Variants in ZFR2 observed in about 807,000 individuals in gnomAD.
ZFR2 encodes the protein zinc finger RNA-binding protein 2.
ZFR2 carries 104 observed loss-of-function variants against 105.7 expected under a neutral mutation model. The ratio of observed to expected loss-of-function variants is 0.98; its 90% CI spans 0.84 to 1.16. The LOEUF (loss-of-function observed/expected upper bound fraction) is 1.16, where lower values mean the gene tolerates loss of function less well. Among genes scored for constraint, ZFR2 ranks in the 50% most tolerant of loss-of-function variants. The pLI, the probability that ZFR2 is intolerant of heterozygous loss-of-function variation, is 0.00. For missense variants in ZFR2, 1,425 were observed against 1,355.5 expected, an observed-to-expected ratio of 1.05 and a Z score of -0.80; for synonymous variants, 634 against 597.7, an observed-to-expected ratio of 1.06 and a Z score of -0.89.
intron 1 of ZFR2, among the ~76,000 whole-genome samples, chr19:3,859,034 G>T (rs1341167152): frequency 1.3e-5 from 2 of 152,132 alleles, no homozygotes; most frequent in African/African-American, 4.8e-5. Flanking sequence ...GTCTGTGAGG[G>T]TGTTGCCAAA....
intron 6 of ZFR2, among the ~76,000 whole-genome samples, chr19:3,826,056 C>T (rs2145152727): frequency 6.6e-6 from 1 of 152,158 alleles, no homozygotes; most frequent in African/African-American, 2.4e-5. Flanking sequence ...GCAGGGCCTG[C>T]CTGACCCCCA....
intron 18 of ZFR2, 68 bp from the exon 19 acceptor site, chr19:3,806,193 G>A (rs1045521014): frequency 6.1e-5 from 85 of 1,383,514 alleles, no homozygotes; most frequent in Non-Finnish European, 7.7e-5. Flanking sequence ...GGACACAGAG[G>A]GGCTGGTGTC....
Position 3,823,269 on chromosome 19 carries a change from C to T in ZFR2, c.1348G>A (p.Val450Met). 1 of 1,614,020 alleles carries T rather than the reference C, an allele frequency of 6.2e-7. No individual in the cohort carries two copies. The highest frequency in any genetic ancestry group is 8.5e-7 in the Non-Finnish European group (1 of 1,179,888). ...APAGCSDAQP[V>M]GPEYVEEVFS... ...ACCTCCTCCACATATTCCGGGCCCA[C>T]CGGCTGCGCATCAGAGCAGCCCGCG... is the stretch of plus-strand genomic sequence containing the variant. The change falls in exon 8 of 19, where the codon GTG becomes ATG. Residue 450 changes from valine (V) to methionine (M), a missense_variant. Coordinates refer to ENST00000262961, the MANE Select transcript of ZFR2 (RefSeq NM_015174.2). This position sits in a 1 kb window ranked among gnomAD's most constrained non-coding sequence, Gnocchi z 5.4.
chr19:3,833,384 G>T (rs536180271), intron 3 of ZFR2, among the ~76,000 whole-genome samples: 1 of 152,056 alleles, frequency 6.6e-6, no homozygotes, highest in Non-Finnish European at 1.5e-5. Context: ...AGACCATCCT[G>T]GCTAATACTG....
At chr19:3,853,818 C>T (rs1300021229) in intron 1 of ZFR2, among the ~76,000 whole-genome samples, 1 of 152,048 alleles carries the variant, frequency 6.6e-6, no homozygotes, top group African/African-American at 2.4e-5. Flanking sequence ...CTGTTAATCC[C>T]AGCACTTTGG....
rs200875785 is a variant in ZFR2 at position 3,832,633 on chromosome 19, T to TG, written c.380-756_380-755insC. Reference sequence around the variant, plus strand: ...CTGCACCCGGCCTTTATTTTGTTTTTTTTTTTTATTTTTTATTTTTTAGAG... The same window carrying TG: ...CTGCACCCGGCCTTTATTTTGTTTTTGTTTTTTTATTTTTTATTTTTTAGAG... On this transcript the variant is annotated intron_variant, in intron 3 of 18. Transcript: ENST00000262961. 3.7e-3 allele frequency among the ~76,000 whole-genome samples: 544 copies of TG among 148,164 alleles called. 4 individuals carry two copies. The highest frequency in any genetic ancestry group is 0.01 in the African/African-American group (408 of 40,130).
chr19:3,819,000 G>A (rs1376827521), intron 12 of ZFR2, 45 bp downstream of exon 12: 7 of 1,590,636 alleles, frequency 4.4e-6, no homozygotes, highest in Non-Finnish European at 6.0e-6. Context: ...GCTGACCTCT[G>A]TCCTGGCTGA....
At chr19:3,826,146 T>C (rs1247568861) in intron 6 of ZFR2, among the ~76,000 whole-genome samples, 1 of 151,904 alleles carries the variant, frequency 6.6e-6, no homozygotes, top group Non-Finnish European at 1.5e-5. Context: ...AGGCCAAGTC[T>C]CCTTCCCCCG....
At chr19:3,832,764 T>C (rs760121930) in intron 3 of ZFR2, among the ~76,000 whole-genome samples, 7 of 151,848 alleles carry the variant, frequency 4.6e-5, no homozygotes, top group Admixed American at 4.6e-4. Flanking sequence ...GCCTCCTGGG[T>C]AGCTGGGACT....
rs1568421448 is a variant in ZFR2 at position 3,822,063 on chromosome 19, T to G, written c.1491+18A>C. On this transcript the variant is annotated intron_variant, in intron 9 of 18. Transcript: ENST00000262961. ...GCACAGCCCGGACGGGTGTCGGAGC[T>G]CCCCCTGCTGGACGCACCCGGTACT... 6.3e-7 allele frequency: 1 copy of G among 1,582,318 alleles called. No individual in the cohort carries two copies. The highest frequency in any genetic ancestry group is 1.8e-5 in the Admixed American group (1 of 55,524).
At chr19:3,829,328 T>C (rs1009231631) in intron 5 of ZFR2, among the ~76,000 whole-genome samples, 3 of 151,862 alleles carry the variant, frequency 2.0e-5, no homozygotes, top group Non-Finnish European at 4.4e-5. Flanking sequence ...CGCATCCCTG[T>C]GCACACATAC....
intron 10 of ZFR2, 52 bp downstream of exon 10, chr19:3,821,288 T>C: frequency 6.7e-7 from 1 of 1,502,186 alleles, no homozygotes. Context: ...GGTTCCACGC[T>C]GGACCTGCCC....
intron 14 of ZFR2, among the ~76,000 whole-genome samples, chr19:3,811,571 C>T (rs572657671): frequency 6.6e-6 from 1 of 151,922 alleles, no homozygotes; most frequent in African/African-American, 2.4e-5. Context: ...TCTCCTGCCT[C>T]AGCCTTCCAA....
intron 1 of ZFR2, among the ~76,000 whole-genome samples, chr19:3,845,352 T>C (rs2038175840): frequency 6.6e-6 from 1 of 151,996 alleles, no homozygotes; most frequent in Non-Finnish European, 1.5e-5. Context: ...CCAGTCATGG[T>C]GCCTCACACC....
chr19:3,819,151 C>G lies in ZFR2; in HGVS notation c.1825G>C (p.Ala609Pro), dbSNP rs1272451205. 6.2e-7 allele frequency: 1 copy of G among 1,606,702 alleles called. No individual in the cohort carries two copies. The highest frequency in any genetic ancestry group is 2.2e-5 in the East Asian group (1 of 44,852). The change falls in exon 12 of 19, where the codon GCC becomes CCC. Residue 609 changes from alanine (A) to proline (P), a missense_variant. Coordinates refer to ENST00000262961, the MANE Select transcript of ZFR2 (RefSeq NM_015174.2). ...TIYPTEQELL[A>P]VQRAVSHAER... ...GCGTGGGACACGGCCCTCTGCACGG[C>G]CAGGAGCTCCTGCTCCGTGGGGTAG... is the stretch of plus-strand genomic sequence containing the variant.
chr19:3,867,151 AG>A, intron 1 of ZFR2, among the ~76,000 whole-genome samples: 1 of 151,820 alleles, frequency 6.6e-6, no homozygotes, highest in Non-Finnish European at 1.5e-5. Context: ...CGGGGGGCAA[AG>A]ACCCCCCTGA....
rs2037787943 is a variant in ZFR2 at position 3,813,288 on chromosome 19, CTG to C, written c.2242+530_2242+531del. On this transcript the variant is annotated intron_variant, in intron 14 of 18. Coordinates refer to ENST00000262961, the MANE Select transcript of ZFR2 (RefSeq NM_015174.2). The surrounding 1 kb of genome is among the most constrained non-coding windows in gnomAD (Gnocchi z 4.4). ...AGTGTGTTACTGATGCCTGTCTTCG[CTG>C]TGGCCGCTGGCCAAGACCCTCGCTG... 6.6e-6 allele frequency among the ~76,000 whole-genome samples: 1 copy of C among 152,232 alleles called. No individual in the cohort carries two copies. The highest frequency in any genetic ancestry group is 2.4e-5 in the African/African-American group (1 of 41,462).
At chr19:3,862,746 C>T (rs1374259894) in intron 1 of ZFR2, among the ~76,000 whole-genome samples, 2 of 152,252 alleles carry the variant, frequency 1.3e-5, no homozygotes, top group Non-Finnish European at 2.9e-5. Flanking sequence ...CCCATTTTCA[C>T]GTGCAGCCGG....
rs1379950203 is a variant in ZFR2, at chr19:3,813,999, C to A, written c.2104-41G>T. 6.2e-7 allele frequency: 1 copy of A among 1,610,012 alleles called. No homozygotes were observed. The highest frequency in any genetic ancestry group is 1.1e-5 in the South Asian group (1 of 90,630). On this transcript the variant is annotated intron_variant, in intron 13 of 18. Transcript: ENST00000262961. This position sits in a 1 kb window ranked among gnomAD's most constrained non-coding sequence, Gnocchi z 4.4. ...ACAACACAAGGCCACCTTACTGCAG[C>A]CCAGATTCATGTGTAAATCAGCCAG...
Sources: allele counts gnomAD v4.1 joint callset (sites outside exome capture counted in the v4.1 genomes callset), GRCh38; gene constraint gnomAD v4.1.1; non-coding constraint Gnocchi (gnomAD v3.1); transcripts MANE v1.5; gene names NCBI Gene and HGNC (gene_info 2026-07-23, HGNC 2026-07-21).